KCNAB1: variants seen among roughly 807,000 people sequenced by gnomAD.
KCNAB1 encodes voltage-gated potassium channel subunit beta-1.
Under a neutral mutation model 64.6 loss-of-function variants are expected in KCNAB1, and 35 were observed. The ratio of observed to expected loss-of-function variants is 0.54; its 90% confidence interval spans 0.41 to 0.72. KCNAB1 has a LOEUF of 0.72. Ranked by LOEUF, KCNAB1 falls within the 30% of genes least tolerant of loss-of-function variation. The pLI is 0.00. For synonymous variants in KCNAB1, 177 were observed against 183.8 expected, an observed-to-expected ratio of 0.96 and a Z score of 0.30; for missense variants, 401 against 512.9, an observed-to-expected ratio of 0.78 and a Z score of 2.11.
At chr3:156,518,536 GATAA>G (rs1250494303) in intron 11 of KCNAB1, among the ~76,000 whole-genome samples, 3 of 151,100 alleles carry the variant, frequency 2.0e-5, no homozygotes, top group Non-Finnish European at 4.4e-5. Flanking sequence ...TGGGCAAGTA[GATAA>G]ATAAATTGGT....
intron 1 of KCNAB1, among the ~76,000 whole-genome samples, chr3:156,412,725 G>A (rs1430849046): frequency 6.6e-6 from 1 of 151,962 alleles, no homozygotes; most frequent in Non-Finnish European, 1.5e-5. Context: ...AGAGGCAGAA[G>A]AGCAGGCCAG....
At position 156,338,303 on chromosome 3, in the gene KCNAB1, CTTTTTTTTTTT is replaced by C. The variant is rs34671816; in HGVS notation, c.276-83296_276-83286del. On this transcript the variant is annotated intron_variant, in intron 1 of 13. Coordinates refer to ENST00000490337, the MANE Select transcript of KCNAB1 (RefSeq NM_172160.3). The stretch of plus-strand genomic sequence containing the variant: ...TCTTATACTTTCTTTGGCATTTGCA[CTTTTTTTTTTT>C]TTTTTTTTTTTTTTTTACAGAGTTT... Among the ~76,000 whole-genome samples, 22 of 39,488 alleles carry C rather than the reference CTTTTTTTTTTT, an allele frequency of 5.6e-4. 3 individuals are homozygous for C. The highest frequency in any genetic ancestry group is 2.5e-3 in the Admixed American group (6 of 2,412). The allele number at this position is 39,488 out of a possible 152,430, so 25.9% of individuals were successfully genotyped here. A position where few individuals can be genotyped will look rare whatever the true frequency, so the allele number is the denominator to read the frequency against.
At chr3:156,425,016 C>G (rs1216731775) in intron 2 of KCNAB1, among the ~76,000 whole-genome samples, 1 of 152,204 alleles carries the variant, frequency 6.6e-6, no homozygotes, top group African/African-American at 2.4e-5. Flanking sequence ...TGAACTGCCT[C>G]TATAAGCCAG....
chr3:156,402,727 A>G (rs1052063667), intron 1 of KCNAB1, among the ~76,000 whole-genome samples: 2 of 152,236 alleles, frequency 1.3e-5, no homozygotes, highest in African/African-American at 4.8e-5. Context: ...CTAAATCCTT[A>G]TAATATATGA....
rs59586180 is a variant in KCNAB1 at position 156,528,187 on chromosome 3, A to AAAG, written c.1082-3221_1082-3220insAGA. On this transcript the variant is annotated intron_variant, in intron 12 of 13. Transcript: ENST00000490337. ...AAATAATGCAGTCAAAAAAAAAAAAAAGAGAGAGAAAGATTGGATTGGTAC... is the reference window on the plus strand; with the variant it reads ...AAATAATGCAGTCAAAAAAAAAAAAAAAGAGAGAGAGAAAGATTGGATTGGTAC... 8.2e-3 allele frequency among the ~76,000 whole-genome samples: 1,243 copies of AAAG among 151,250 alleles called. 19 individuals are homozygous for AAAG. The highest frequency in any genetic ancestry group is 0.025 in the African/African-American group (1,026 of 41,324).
intron 1 of KCNAB1, among the ~76,000 whole-genome samples, chr3:156,155,713 G>A (rs1003011357): frequency 3.9e-5 from 6 of 152,174 alleles, no homozygotes; most frequent in Non-Finnish European, 5.9e-5. Flanking sequence ...ATGTCAAGAA[G>A]GTAAAGGGGA....
intron 1 of KCNAB1, among the ~76,000 whole-genome samples, chr3:156,190,166 A>G (rs1446042444): frequency 6.6e-6 from 1 of 152,174 alleles, no homozygotes; most frequent in South Asian, 2.1e-4. Context: ...TGGTTTTCCC[A>G]GACATCTTCC....
At chr3:156,314,649 A>G (rs902935515) in intron 1 of KCNAB1, among the ~76,000 whole-genome samples, 2 of 152,266 alleles carry the variant, frequency 1.3e-5, no homozygotes, top group African/African-American at 2.4e-5. Context: ...AAAGCTGGTC[A>G]TAAGTTAAAG....
rs965732575 is a variant in KCNAB1, at chr3:156,536,784, T to C, written c.*37T>C. On this transcript the variant is annotated 3_prime_UTR_variant, in exon 14 of 14. Coordinates refer to ENST00000490337, the MANE Select transcript of KCNAB1 (RefSeq NM_172160.3). ...AACCACAGAAGCTGCATGGTTAAAA[T>C]AGCGGCCTGTGCCCAGTACAGAAAG... 5.0e-6 allele frequency: 7 copies of C among 1,403,264 alleles called. No individual in the cohort carries two copies. In the East Asian group the frequency reaches 9.1e-5, roughly 18 times the overall value. The allele number at this position is 1,403,264 out of a possible 1,614,324, so 86.9% of individuals were successfully genotyped here. A position where few individuals can be genotyped will look rare whatever the true frequency, so the allele number is the denominator to read the frequency against.
intron 1 of KCNAB1, among the ~76,000 whole-genome samples, chr3:156,357,728 A>T (rs1002644904): frequency 6.6e-6 from 1 of 151,360 alleles, no homozygotes; most frequent in African/African-American, 2.4e-5. Flanking sequence ...TTCAATATGT[A>T]ATCATATATC....
chr3:156,393,202 T>G (rs1304403928), intron 1 of KCNAB1, among the ~76,000 whole-genome samples: 1 of 152,190 alleles, frequency 6.6e-6, no homozygotes, highest in Non-Finnish European at 1.5e-5. Context: ...TGGTGGGAAC[T>G]TGTCTCCCAA....
intron 1 of KCNAB1, among the ~76,000 whole-genome samples, chr3:156,252,049 C>G (rs4680252): frequency 0.56 from 84,555 of 152,014 alleles, 24,646 homozygotes; most frequent in East Asian, 0.78. Context: ...ATGAGTTGGG[C>G]CTTTTTCCTG....
At chr3:156,499,719 A>C (rs1207170617) in intron 8 of KCNAB1, among the ~76,000 whole-genome samples, 1 of 152,184 alleles carries the variant, frequency 6.6e-6, no homozygotes, top group Non-Finnish European at 1.5e-5. Flanking sequence ...TTTTTCAAAC[A>C]TAAAGTGGGA....
At chr3:156,188,212 G>GT (rs568042261) in intron 1 of KCNAB1, among the ~76,000 whole-genome samples, 2,835 of 143,994 alleles carry the variant, frequency 0.02, 45 homozygotes, top group African/African-American at 0.023. Context: ...TCCCTGTGGG[G>GT]TTTTTTTTTT....
At chr3:156,161,504 C>A (rs566960743) in intron 1 of KCNAB1, among the ~76,000 whole-genome samples, 33 of 152,314 alleles carry the variant, frequency 2.2e-4, no homozygotes, top group African/African-American at 7.7e-4. Context: ...ATGTAGTTAC[C>A]TGACATTTGT....
At chr3:156,458,139 G>C (rs763551153) in intron 4 of KCNAB1, among the ~76,000 whole-genome samples, 9 of 152,210 alleles carry the variant, frequency 5.9e-5, no homozygotes, top group Admixed American at 2.0e-4. Flanking sequence ...AGGAAGGGCT[G>C]CAGAGAGTCC....
intron 1 of KCNAB1, among the ~76,000 whole-genome samples, chr3:156,288,816 C>G (rs146556635): frequency 3.3e-5 from 5 of 152,370 alleles, no homozygotes; most frequent in Non-Finnish European, 7.3e-5. Context: ...TTATCCACTC[C>G]TTTCAAGTGA....
chr3:156,314,839 C>A (rs1722168529), intron 1 of KCNAB1, among the ~76,000 whole-genome samples: 1 of 152,132 alleles, frequency 6.6e-6, no homozygotes, highest in Admixed American at 6.5e-5. Context: ...ATGGTGATAT[C>A]CCCATCTCTA....
At chr3:156,237,869 T>G (rs1475344383) in intron 1 of KCNAB1, among the ~76,000 whole-genome samples, 1 of 152,198 alleles carries the variant, frequency 6.6e-6, no homozygotes, top group Non-Finnish European at 1.5e-5. Context: ...TCCACCACAG[T>G]GCAGGTGCCA....
Sources: gnomAD v4.1 joint callset for allele counts (sites outside exome capture counted in the v4.1 genomes callset) on GRCh38, gnomAD v4.1.1 for gene constraint, MANE v1.5 for transcripts, NCBI Gene and HGNC (gene_info 2026-07-23, HGNC 2026-07-21) for gene names.